The following FNDC1 variants were observed in gnomAD, a reference collection of about 807,000 sequenced individuals.
FNDC1 encodes fibronectin type III domain containing 1, also known as fibronectin type III domain-containing protein 1.
A neutral mutation model predicts 168.0 loss-of-function variants in FNDC1; 96 were observed. That is an observed-to-expected ratio of 0.57 (90% CI 0.48 to 0.68). FNDC1 has a LOEUF of 0.68. Among genes scored for constraint, FNDC1 ranks in the 30% least tolerant of loss-of-function variants. The pLI is 0.00. For missense variants in FNDC1, 2,587 were observed against 2,482.1 expected (o/e 1.04, Z -0.90); for synonymous variants, 1,099 against 1,025.9 (o/e 1.07, Z -1.36).
rs1396325583 is a variant in FNDC1, at chr6:159,245,874, G to A, written c.4622-1027G>A. On this transcript the variant is annotated intron_variant, in intron 14 of 22. Transcript: ENST00000297267. ...CGCCATTCTCCTGCCTCAGCCTCCC[G>A]AGTAGCTGGGACTATAGGCGCCCAC... Among the ~76,000 whole-genome samples, 5 of 27,796 alleles carry A rather than the reference G, an allele frequency of 1.8e-4. 2 individuals carry two copies. In the East Asian group the frequency reaches 2.3e-3, roughly 13 times the overall value. The allele number at this position is 27,796 out of a possible 152,430, so 18.2% of individuals were successfully genotyped here.
chr6:159,200,250 T>G (rs536586015), intron 3 of FNDC1, among the ~76,000 whole-genome samples, 168 bp downstream of exon 3: 1 of 152,370 alleles, frequency 6.6e-6, no homozygotes, highest in Admixed American at 6.5e-5. Flanking sequence ...GGAAGAGGCT[T>G]ATCCTTTCTT....
chr6:159,238,412 A>G (rs936436053), intron 12 of FNDC1, 142 bp from the exon 13 acceptor site: 78 of 590,700 alleles, frequency 1.3e-4, no homozygotes, highest in African/African-American at 1.3e-3. Context: ...GACTTTATGA[A>G]TGATATTGAC....
intron 1 of FNDC1, among the ~76,000 whole-genome samples, chr6:159,171,351 A>C (rs1425029698): frequency 6.6e-6 from 1 of 152,234 alleles, no homozygotes. Flanking sequence ...AGAAACAGAC[A>C]TAGCAACCTG....
chr6:159,188,369 C>CT (rs61551779), intron 1 of FNDC1, among the ~76,000 whole-genome samples: 5,498 of 128,094 alleles, frequency 0.043, 185 homozygotes, highest in Non-Finnish European at 0.063. Flanking sequence ...CAATTTCTTT[C>CT]TTTTTTTTTT....
Position 159,233,629 on chromosome 6 carries a change from G to C in FNDC1, c.3117G>C (p.Gly1039=), listed in dbSNP as rs1338577890. ...SQPRLSLTQA[G]RPRPTSQGRS... ...CCAGGCTCTCACTGACCCAGGCCGGGCGGCCCCGCCCCACGTCGCAGGGCC... is the reference window on the plus strand; with the variant it reads ...CCAGGCTCTCACTGACCCAGGCCGGCCGGCCCCGCCCCACGTCGCAGGGCC... Residue 1039 remains glycine (G), a synonymous_variant, in exon 11 of 23, where the codon GGG becomes GGC. Coordinates refer to ENST00000297267, the MANE Select transcript of FNDC1 (RefSeq NM_032532.3). This position sits in a 1 kb window ranked among gnomAD's most constrained non-coding sequence, Gnocchi z 4.6. The C allele has an allele frequency of 1.3e-6, 2 of 1,560,258 alleles. No individual in the cohort carries two copies. Among genetic ancestry groups the C allele is most frequent in the Admixed American group, 1.9e-5 (1 of 53,340 alleles).
chr6:159,224,814 G>T (rs997863577), intron 7 of FNDC1, among the ~76,000 whole-genome samples: 3 of 152,150 alleles, frequency 2.0e-5, no homozygotes, highest in Non-Finnish European at 2.9e-5. Flanking sequence ...CTGCAAAGAG[G>T]CCACAAAGAC....
Position 159,221,495 on chromosome 6 carries a change from G to A in FNDC1, c.668-103G>A, listed in dbSNP as rs1474381564. On this transcript the variant is annotated intron_variant, in intron 5 of 22. Coordinates refer to ENST00000297267, the MANE Select transcript of FNDC1 (RefSeq NM_032532.3). ...CCCCCAGAAAGAGGAAACGGAAAAAGGGGAAGGGGAGGAGGAATGCAGAAC... is the reference window on the plus strand; with the variant it reads ...CCCCCAGAAAGAGGAAACGGAAAAAAGGGAAGGGGAGGAGGAATGCAGAAC... The A allele has an allele frequency of 3.4e-6, 3 of 871,822 alleles. No individual in the cohort carries two copies. The Admixed American group carries it at 6.0e-5, about 17-fold the overall frequency. The allele number at this position is 871,822 out of a possible 1,614,324, so 54.0% of individuals were successfully genotyped here. A position where few individuals can be genotyped will look rare whatever the true frequency, so the allele number is the denominator to read the frequency against.
In FNDC1 at chr6:159,229,929, T is replaced by C. The variant is rs375519572; in HGVS notation, c.1295T>C (p.Leu432Pro). ...GGTCTGCAGCCTGGGGAACGCTATC[T>C]TTTCAAAATCCGGGCCACAAACAGG... is the stretch of plus-strand genomic sequence containing the variant. The part of the protein sequence containing the change: ...VDGLQPGERY[L>P]FKIRATNRRG... The change falls in exon 10 of 23, where the codon CTT becomes CCT. Residue 432 changes from leucine (L) to proline (P), a missense_variant. By Grantham distance (98) the Leu-to-Pro change is moderately conservative. Coordinates refer to ENST00000297267, the MANE Select transcript of FNDC1 (RefSeq NM_032532.3). 6.2e-7 allele frequency: 1 copy of C among 1,613,846 alleles called. No individual in the cohort carries two copies. Among genetic ancestry groups the C allele is most frequent in the Non-Finnish European group, 8.5e-7 (1 of 1,179,870 alleles).
chr6:159,245,045 A>AGT (rs1783509494), intron 14 of FNDC1, among the ~76,000 whole-genome samples: 1 of 152,192 alleles, frequency 6.6e-6, no homozygotes, highest in Non-Finnish European at 1.5e-5. Context: ...AGAGAGAGAG[A>AGT]GTGAGAGCGA....
chr6:159,247,473 C>T (rs1338327354), intron 15 of FNDC1, among the ~76,000 whole-genome samples: 1 of 152,090 alleles, frequency 6.6e-6, no homozygotes, highest in Non-Finnish European at 1.5e-5. Context: ...CAGAGGCCGG[C>T]CGCAGTGGCT....
intron 1 of FNDC1, among the ~76,000 whole-genome samples, chr6:159,172,801 A>C (rs1427293348): frequency 6.6e-6 from 1 of 152,256 alleles, no homozygotes; most frequent in Non-Finnish European, 1.5e-5. Flanking sequence ...AAAATTATCC[A>C]AAAAGGCTAT....
intron 1 of FNDC1, among the ~76,000 whole-genome samples, chr6:159,191,957 C>T (rs898278127): frequency 2.0e-5 from 3 of 152,110 alleles, no homozygotes; most frequent in Non-Finnish European, 4.4e-5. Context: ...TGCATCCTGC[C>T]CTCCCAGGCT....
intron 12 of FNDC1, among the ~76,000 whole-genome samples, chr6:159,237,987 T>C (rs908626501): frequency 6.6e-6 from 1 of 152,224 alleles, no homozygotes; most frequent in Non-Finnish European, 1.5e-5. Context: ...TTAGACACAA[T>C]GTACTTAATG....
At chr6:159,173,727 A>G (rs1234985877) in intron 1 of FNDC1, among the ~76,000 whole-genome samples, 2 of 152,214 alleles carry the variant, frequency 1.3e-5, no homozygotes, top group African/African-American at 4.8e-5. Context: ...AAACAATACA[A>G]ATTTATGATC....
chr6:159,266,757 C>T (rs1408483003), intron 21 of FNDC1, among the ~76,000 whole-genome samples: 1 of 148,822 alleles, frequency 6.7e-6, no homozygotes, highest in African/African-American at 2.5e-5. Flanking sequence ...GGAAAAGTTT[C>T]CTCTCCAGCC....
intron 9 of FNDC1, among the ~76,000 whole-genome samples, chr6:159,227,688 G>T (rs1312394753): frequency 6.9e-6 from 1 of 145,624 alleles, no homozygotes; most frequent in Non-Finnish European, 1.5e-5. Flanking sequence ...CACAACCAGA[G>T]AAAAATATTA....
chr6:159,200,549 A>G lies in FNDC1; in HGVS notation c.428A>G (p.Lys143Arg). The G allele has an allele frequency of 6.3e-7, 1 of 1,599,456 alleles. No individual in the cohort carries two copies. The highest frequency in any genetic ancestry group is 8.5e-7 in the Non-Finnish European group (1 of 1,172,272). The change falls in exon 4 of 23, where the codon AAG becomes AGG. Residue 143 changes from lysine to arginine, a missense_variant. Lys to Arg is a conservative substitution (Grantham distance 26). Transcript: ENST00000297267. ...ATCGAGATTGATGGTTTTCCCATTA[A>G]GGGTCCAGGACCATTTAATGAAACC... ...EWIEIDGFPI[K>R]GPGPFNETVT... is the part of the protein sequence containing the mutation.
At chr6:159,251,711 G>A (rs1331302691) in intron 17 of FNDC1, among the ~76,000 whole-genome samples, 179 bp downstream of exon 17, 1 of 152,174 alleles carries the variant, frequency 6.6e-6, no homozygotes, top group Admixed American at 6.5e-5. Flanking sequence ...GGCAACAATG[G>A]AAGCCTCATG....
chr6:159,224,433 C>A (rs1782908383), intron 7 of FNDC1, among the ~76,000 whole-genome samples: 1 of 152,060 alleles, frequency 6.6e-6, no homozygotes, highest in Admixed American at 6.6e-5. Context: ...TCTCTGCAAC[C>A]AAGAAAGGGG....
Sources: gnomAD v4.1 joint callset for allele counts (sites outside exome capture counted in the v4.1 genomes callset) on GRCh38, gnomAD v4.1.1 for gene constraint, Gnocchi (gnomAD v3.1) non-coding constraint, MANE v1.5 for transcripts, NCBI Gene and HGNC (gene_info 2026-07-23, HGNC 2026-07-21) for gene names.